The following CLCA1 variants were observed in gnomAD, a reference collection of about 807,000 sequenced individuals.
CLCA1 encodes the protein calcium-activated chloride channel regulator 1.
A neutral mutation model predicts 85.6 loss-of-function variants in CLCA1; 59 were observed. The observed-to-expected ratio is 0.69, with a 90% confidence interval of 0.56 to 0.86. CLCA1 has a LOEUF of 0.86. Among genes scored for constraint, CLCA1 ranks in the 40% least tolerant of loss-of-function variants. CLCA1 has a pLI of 0.00. For synonymous variants in CLCA1, 396 were observed against 398.3 expected (o/e 0.99, Z 0.07); for missense variants, 1,022 against 1,101.4 (o/e 0.93, Z 1.02).
intron 1 of CLCA1, 55 bp from the exon 2 acceptor site, chr1:86,473,362 G>A (rs771331601): frequency 4.2e-5 from 55 of 1,310,830 alleles, no homozygotes; most frequent in South Asian, 1.7e-4. Context: ...TTGAATGACT[G>A]ATAATTTAAT....
intron 1 of CLCA1, among the ~76,000 whole-genome samples, chr1:86,472,593 G>A (rs1315396037): frequency 1.3e-5 from 2 of 151,916 alleles, no homozygotes; most frequent in Non-Finnish European, 2.9e-5. Flanking sequence ...CTACTCTCTC[G>A]TCATAACATA....
At chr1:86,471,843 CCCCTTAGGAAGA>C (rs1647506434) in intron 1 of CLCA1, among the ~76,000 whole-genome samples, 1 of 151,862 alleles carries the variant, frequency 6.6e-6, no homozygotes, top group African/African-American at 2.4e-5. Context: ...TTTAAGTTTA[CCCCTTAGGAAGA>C]GGCACAGCAG....
Position 86,473,466 on chromosome 1 carries a change from G to T in CLCA1, c.212G>T (p.Arg71Leu). 6.2e-7 allele frequency: 1 copy of T among 1,609,718 alleles called. No individual in the cohort carries two copies. The highest frequency in any genetic ancestry group is 8.5e-7 in the Non-Finnish European group (1 of 1,176,374). ...SLYLLEATGK[R>L]FYFKNVAILI... ...TATCTGCTTGAAGCTACAGGAAAGC[G>T]ATTTTATTTCAAAAATGTTGCCATT... The change falls in exon 2 of 14, where the codon CGA becomes CTA. Residue 71 changes from arginine to leucine, a missense_variant. Arg to Leu is a moderately radical substitution (Grantham distance 102). Transcript: ENST00000394711.
At chr1:86,478,598 C>A (rs574466219) in intron 4 of CLCA1, among the ~76,000 whole-genome samples, 51 of 152,344 alleles carry the variant, frequency 3.3e-4, no homozygotes, top group African/African-American at 9.9e-4. Context: ...ACCCAGTGGG[C>A]ACCATTCCAA....
In CLCA1 at chr1:86,499,711, A is replaced by G. The variant is rs1446186273; in HGVS notation, c.2411A>G (p.Asn804Ser). Residue 804 changes from asparagine to serine, a missense_variant, in exon 14 of 14, where the codon AAT becomes AGT. Asn to Ser is a conservative substitution (Grantham distance 46). Coordinates refer to ENST00000394711, the MANE Select transcript of CLCA1 (RefSeq NM_001285.4). ...TSILDLRDKF[N>S]ESLQVNTTAL... ...ATTCTTGATCTCAGAGACAAGTTCA[A>G]TGAATCTCTTCAAGTGAATACTACT... is the stretch of plus-strand genomic sequence containing the variant. The G allele has an allele frequency of 1.9e-6, 3 of 1,604,904 alleles. No individual in the cohort carries two copies. The African/African-American group carries it at 4.0e-5, about 21-fold the overall frequency.
intron 4 of CLCA1, among the ~76,000 whole-genome samples, chr1:86,479,671 G>T (rs887794360): frequency 2.6e-5 from 4 of 152,186 alleles, no homozygotes; most frequent in African/African-American, 7.2e-5. Context: ...AGATCACAAG[G>T]TCAGGAGATC....
chr1:86,480,059 T>A (rs1647776516), intron 4 of CLCA1, among the ~76,000 whole-genome samples: 2 of 152,204 alleles, frequency 1.3e-5, no homozygotes, highest in Non-Finnish European at 2.9e-5. Context: ...GGATGGACTC[T>A]TTAAAGATAA....
rs1030493926 is a variant in CLCA1 at position 86,499,597 on chromosome 1, T to G, written c.2354-57T>G. The G allele has an allele frequency of 6.1e-5, 71 of 1,171,376 alleles. 1 individual carries two copies. The African/African-American group carries it at 1.0e-3, about 17-fold the overall frequency. 72.6% of individuals were successfully genotyped at this position (1,171,376 alleles called of 1,614,324 possible). On this transcript the variant is annotated intron_variant, in intron 13 of 13. Coordinates refer to ENST00000394711, the MANE Select transcript of CLCA1 (RefSeq NM_001285.4). Reference sequence around the variant, plus strand: ...AAATATTTTTTAAAGCTCTACTGCTTAAGAAGTTTCTTTAATATTTCAGAA... The same window carrying G: ...AAATATTTTTTAAAGCTCTACTGCTGAAGAAGTTTCTTTAATATTTCAGAA...
chr1:86,482,610 A>T (rs1385014776), intron 5 of CLCA1, among the ~76,000 whole-genome samples: 1 of 152,128 alleles, frequency 6.6e-6, no homozygotes, highest in Non-Finnish European at 1.5e-5. Context: ...ACTAGTTTTT[A>T]GTTCAAGTGC....
intron 4 of CLCA1, 38 bp from the exon 5 acceptor site, chr1:86,482,164 TGAC>T (rs1558137902): frequency 2.7e-6 from 4 of 1,494,316 alleles, no homozygotes; most frequent in Non-Finnish European, 2.8e-6. Context: ...CCCTTTGAAA[TGAC>T]GACATCACCT....
intron 1 of CLCA1, among the ~76,000 whole-genome samples, chr1:86,469,704 T>G (rs1395015268): frequency 6.6e-6 from 1 of 152,184 alleles, no homozygotes; most frequent in Non-Finnish European, 1.5e-5. Context: ...GGAAGAAGAC[T>G]TCCTGTCCTG....
chr1:86,478,725 AGTACAT>A (rs1286895009), intron 4 of CLCA1, among the ~76,000 whole-genome samples: 3 of 152,246 alleles, frequency 2.0e-5, no homozygotes, highest in African/African-American at 4.8e-5. Context: ...TCTAGAAATG[AGTACAT>A]ATACAACACA....
intron 8 of CLCA1, 124 bp downstream of exon 8, chr1:86,489,294 C>A (rs1648074722): frequency 2.4e-6 from 2 of 839,010 alleles, no homozygotes; most frequent in East Asian, 5.4e-5. Context: ...GGCTAACTAG[C>A]CACCCTTACC....
In CLCA1 at chr1:86,473,797, C is replaced by T. The variant is rs1264657415; in HGVS notation, c.372C>T (p.Asn124=). The T allele has an allele frequency of 8.1e-6, 13 of 1,612,894 alleles. No individual in the cohort carries two copies. The highest frequency in any genetic ancestry group is 1.1e-5 in the Non-Finnish European group (13 of 1,179,150). Residue 124 remains asparagine, a synonymous_variant, in exon 3 of 14, where the codon AAC becomes AAT. Coordinates refer to ENST00000394711, the MANE Select transcript of CLCA1 (RefSeq NM_001285.4). ...AACCCTACACTGAGCAGATGGGCAA[C>T]TGTGGAGAGAAGGGTGAAAGGATCC... The part of the protein sequence containing the change: ...NDEPYTEQMG[N]CGEKGERIHL...
At chr1:86,495,361 C>T (rs1648249170) in intron 11 of CLCA1, 144 bp from the exon 12 acceptor site, 2 of 616,982 alleles carry the variant, frequency 3.2e-6, no homozygotes, top group African/African-American at 1.9e-5. Context: ...TAAGCCTTAC[C>T]CTCAACACAC....
At chr1:86,490,042 T>C (rs1648094389) in intron 8 of CLCA1, among the ~76,000 whole-genome samples, 2 of 152,214 alleles carry the variant, frequency 1.3e-5, no homozygotes, top group South Asian at 4.1e-4. Context: ...AGTCGGAGTC[T>C]AGCTGTGCCC....
chr1:86,496,594 G>A (rs1648294171), intron 12 of CLCA1, among the ~76,000 whole-genome samples: 1 of 152,214 alleles, frequency 6.6e-6, no homozygotes, highest in Non-Finnish European at 1.5e-5. Context: ...TGAGGTTGGT[G>A]TGCGGGAAGG....
intron 4 of CLCA1, among the ~76,000 whole-genome samples, chr1:86,481,702 G>A (rs1457011791): frequency 6.6e-6 from 1 of 151,986 alleles, no homozygotes; most frequent in Admixed American, 6.5e-5. Flanking sequence ...ATAAGGTGTA[G>A]GGGGAAAGCA....
Position 86,482,233 on chromosome 1 carries a change from G to A in CLCA1, c.586G>A (p.Val196Ile). 1 of 1,613,870 alleles carries A rather than the reference G, an allele frequency of 6.2e-7. No homozygotes were observed. The highest frequency in any genetic ancestry group is 8.5e-7 in the Non-Finnish European group (1 of 1,179,806). ...RCSAGITGTN[V>I]VKKCQGGSCY... ...TTCAGCAGGTATTACTGGTACAAATGTAGTAAAGAAGTGTCAGGGAGGCAG... is the reference window on the plus strand; with the variant it reads ...TTCAGCAGGTATTACTGGTACAAATATAGTAAAGAAGTGTCAGGGAGGCAG... The change falls in exon 5 of 14, where the codon GTA (valine) becomes ATA (isoleucine). Residue 196 changes from valine to isoleucine, a missense_variant. Val to Ile is a conservative substitution (Grantham distance 29). Transcript: ENST00000394711.
Sources: allele counts gnomAD v4.1 joint callset (sites outside exome capture counted in the v4.1 genomes callset), GRCh38; gene constraint gnomAD v4.1.1; transcripts MANE v1.5; gene names NCBI Gene and HGNC (gene_info 2026-07-23, HGNC 2026-07-21).